MAPKAPK2: variants seen among roughly 807,000 people sequenced by gnomAD.
MAPKAPK2 encodes MAPK activated protein kinase 2.
Under a neutral mutation model 48.8 loss-of-function variants are expected in MAPKAPK2, and 9 were observed. The ratio of observed to expected loss-of-function variants is 0.18; its 90% CI spans 0.11 to 0.32. MAPKAPK2 has a LOEUF of 0.32. MAPKAPK2 is among the 10% of genes least tolerant of loss of function. MAPKAPK2 has a pLI of 1.00. For synonymous variants in MAPKAPK2, 202 were observed against 190.6 expected (o/e 1.06, Z -0.49); for missense variants, 331 against 498.3 (o/e 0.66, Z 3.20).
chr1:206,728,712 G>A lies in MAPKAPK2; in HGVS notation c.282G>A (p.Met94Ile), dbSNP rs1553432180. The change falls in exon 2 of 10, where the codon ATG becomes ATA. Residue 94 changes from methionine to isoleucine, a missense_variant and splice_region_variant. By Grantham distance (10) the Met-to-Ile change is conservative. Coordinates refer to ENST00000367103, the MANE Select transcript of MAPKAPK2 (RefSeq NM_032960.4). ...KRTQEKFALKMLQDCPKARRE... is the reference protein window; with the variant it reads ...KRTQEKFALKILQDCPKARRE... ...TCAGAAAGCTGTTTGGCCTGCAGAT[G>A]CTTCAGGACTGCCCCAAGGCCCGCA... 2 of 1,613,596 alleles carry A rather than the reference G, an allele frequency of 1.2e-6. No individual in the cohort carries two copies. Among genetic ancestry groups the A allele is most frequent in the South Asian group, 1.1e-5 (1 of 90,966 alleles).
At chr1:206,703,626 T>C (rs1672864311) in intron 1 of MAPKAPK2, among the ~76,000 whole-genome samples, 1 of 152,154 alleles carries the variant, frequency 6.6e-6, no homozygotes, top group Admixed American at 6.5e-5. Context: ...TATCCTAAGG[T>C]GATGCAGCAC....
chr1:206,712,360 GC>G (rs1284118114), intron 1 of MAPKAPK2, among the ~76,000 whole-genome samples: 2 of 152,296 alleles, frequency 1.3e-5, no homozygotes, highest in African/African-American at 4.8e-5. Flanking sequence ...GGTGCTCAGG[GC>G]CCACAGCAGT....
chr1:206,712,018 T>C lies in MAPKAPK2; in HGVS notation c.280-16692T>C, dbSNP rs574343058. Among the ~76,000 whole-genome samples, 19 of 152,314 alleles carry C rather than the reference T, an allele frequency of 1.2e-4. No individual in the cohort carries two copies. In the South Asian group the frequency reaches 3.9e-3, roughly 32 times the overall value. On this transcript the variant is annotated intron_variant, in intron 1 of 9. Transcript: ENST00000367103. ...ATTTTTGATGGATACTATCATAAAC[T>C]CCATTTAATCGATGAGTTCAATGGA...
chr1:206,732,057 A>G lies in MAPKAPK2; in HGVS notation c.1059+138A>G. ...TCCCAGGGGTGTCTTCATGACAAGA[A>G]CAGCGACCAGGCCACTTGGCTGACC... On this transcript the variant is annotated intron_variant, in intron 9 of 9. Coordinates refer to ENST00000367103, the MANE Select transcript of MAPKAPK2 (RefSeq NM_032960.4). The surrounding 1 kb of genome is among the most constrained non-coding windows in gnomAD (Gnocchi z 4.4). The G allele has an allele frequency of 6.8e-6, 11 of 1,614,150 alleles. No individual in the cohort carries two copies. Among genetic ancestry groups the G allele is most frequent in the African/African-American group, 1.3e-5 (1 of 75,008 alleles).
At chr1:206,701,001 G>A (rs1267279198) in intron 1 of MAPKAPK2, among the ~76,000 whole-genome samples, 1 of 152,184 alleles carries the variant, frequency 6.6e-6, no homozygotes, top group Non-Finnish European at 1.5e-5. Flanking sequence ...TTTAGGCACT[G>A]TGTTCCCTGT....
intron 1 of MAPKAPK2, 143 bp from the exon 2 acceptor site, chr1:206,728,567 A>G (rs1673783345): frequency 1.3e-6 from 1 of 790,788 alleles, no homozygotes; most frequent in African/African-American, 1.9e-5. Flanking sequence ...GCCTCAGGAA[A>G]TGTGCCAAGG....
chr1:206,731,074 C>T lies in MAPKAPK2; in HGVS notation c.768-64C>T. On this transcript the variant is annotated intron_variant, in intron 6 of 9. Coordinates refer to ENST00000367103, the MANE Select transcript of MAPKAPK2 (RefSeq NM_032960.4). This position sits in a 1 kb window ranked among gnomAD's most constrained non-coding sequence, Gnocchi z 5.9. ...AGAAGAGCCTGTTTCTCATCCTGTT[C>T]CTGGTACAGGGCCACTAAGTGACAG... 6.2e-7 allele frequency: 1 copy of T among 1,602,532 alleles called. No individual in the cohort carries two copies. Among genetic ancestry groups the T allele is most frequent in the Non-Finnish European group, 8.5e-7 (1 of 1,169,632 alleles).
chr1:206,697,882 G>T (rs1553427282), intron 1 of MAPKAPK2, among the ~76,000 whole-genome samples: 2 of 152,252 alleles, frequency 1.3e-5, no homozygotes, highest in African/African-American at 4.8e-5. Context: ...TACCTGTGTG[G>T]CCCCAAGCAA....
At chr1:206,722,313 T>A (rs1226889242) in intron 1 of MAPKAPK2, among the ~76,000 whole-genome samples, 18 of 151,962 alleles carry the variant, frequency 1.2e-4, no homozygotes, top group African/African-American at 1.7e-4. Context: ...TGAGCGGAGA[T>A]CGTGCCACTG....
chr1:206,732,331 G>A lies in MAPKAPK2; in HGVS notation c.1060-244G>A. The A allele has an allele frequency of 6.9e-7, 1 of 1,443,286 alleles. No homozygotes were observed. The highest frequency in any genetic ancestry group is 1.4e-5 in the African/African-American group (1 of 69,836). The allele number at this position is 1,443,286 out of a possible 1,614,324, so 89.4% of individuals were successfully genotyped here. A position where few individuals can be genotyped will look rare whatever the true frequency, so the allele number is the denominator to read the frequency against. ...CAAGTCTCTTCCTCCTATCCTGCGG[G>A]ATCACTGGGGGGCTCTCAGGGAACA... On this transcript the variant is annotated intron_variant, in intron 9 of 9. Transcript: ENST00000367103. The surrounding 1 kb of genome is among the most constrained non-coding windows in gnomAD (Gnocchi z 4.4).
chr1:206,732,499 A>G lies in MAPKAPK2; in HGVS notation c.1060-76A>G. On this transcript the variant is annotated intron_variant, in intron 9 of 9. Transcript: ENST00000367103. This position sits in a 1 kb window ranked among gnomAD's most constrained non-coding sequence, Gnocchi z 4.4. ...CCTGCCCTTGTTGTCTCTGTCTCTC[A>G]CGTCTCTCTTCTGCTGTCTCTCCTA... The G allele has an allele frequency of 6.3e-7, 1 of 1,579,526 alleles. No individual in the cohort carries two copies.
intron 1 of MAPKAPK2, among the ~76,000 whole-genome samples, chr1:206,702,031 A>G (rs1402731688): frequency 6.6e-6 from 1 of 152,094 alleles, no homozygotes; most frequent in South Asian, 2.1e-4. Flanking sequence ...GTAACCTGGA[A>G]TGTGCATTTT....
chr1:206,726,283 A>G (rs1553431833), intron 1 of MAPKAPK2, among the ~76,000 whole-genome samples: 1 of 152,246 alleles, frequency 6.6e-6, no homozygotes, highest in Admixed American at 6.5e-5. Context: ...GCTACTCAGG[A>G]GGCTGAAGTG....
chr1:206,722,334 T>C (rs1673548402), intron 1 of MAPKAPK2, among the ~76,000 whole-genome samples: 1 of 152,002 alleles, frequency 6.6e-6, no homozygotes, highest in African/African-American at 2.4e-5. Flanking sequence ...CACTCCAGCC[T>C]GGGCAACAGG....
At chr1:206,714,778 A>G (rs1433983942) in intron 1 of MAPKAPK2, among the ~76,000 whole-genome samples, 1 of 151,436 alleles carries the variant, frequency 6.6e-6, no homozygotes, top group Non-Finnish European at 1.5e-5. Context: ...AAAAAAAAAA[A>G]AAAGAAGTCC....
At chr1:206,699,098 G>GT (rs1332191192) in intron 1 of MAPKAPK2, among the ~76,000 whole-genome samples, 1 of 152,214 alleles carries the variant, frequency 6.6e-6, no homozygotes, top group African/African-American at 2.4e-5. Context: ...GAAACATACA[G>GT]TTTAGAGGAA....
At chr1:206,717,817 A>T (rs1553430589) in intron 1 of MAPKAPK2, among the ~76,000 whole-genome samples, 1 of 152,034 alleles carries the variant, frequency 6.6e-6, no homozygotes, top group Non-Finnish European at 1.5e-5. Context: ...TTTTTAAAAA[A>T]TTTCATTCAG....
At position 206,731,063 on chromosome 1, in the gene MAPKAPK2, C is replaced by G; in HGVS notation, c.768-75C>G. 1 of 1,578,444 alleles carries G rather than the reference C, an allele frequency of 6.3e-7. No individual in the cohort carries two copies. The highest frequency in any genetic ancestry group is 1.7e-5 in the Admixed American group (1 of 59,916). Reference sequence around the variant, plus strand: ...CCTTTACAAGGAGAAGAGCCTGTTTCTCATCCTGTTCCTGGTACAGGGCCA... The same window carrying G: ...CCTTTACAAGGAGAAGAGCCTGTTTGTCATCCTGTTCCTGGTACAGGGCCA... On this transcript the variant is annotated intron_variant, in intron 6 of 9. Transcript: ENST00000367103. This position sits in a 1 kb window ranked among gnomAD's most constrained non-coding sequence, Gnocchi z 5.9.
At chr1:206,711,210 TC>T (rs1396293006) in intron 1 of MAPKAPK2, among the ~76,000 whole-genome samples, 26 of 152,234 alleles carry the variant, frequency 1.7e-4, no homozygotes, top group African/African-American at 6.0e-4. Context: ...ACTATATGTA[TC>T]AAATTACAAC....
Sources: allele counts gnomAD v4.1 joint callset (sites outside exome capture counted in the v4.1 genomes callset), GRCh38; gene constraint gnomAD v4.1.1; non-coding constraint Gnocchi (gnomAD v3.1); transcripts MANE v1.5; gene names NCBI Gene and HGNC (gene_info 2026-07-23, HGNC 2026-07-21).